HIVEP3: variants seen among roughly 807,000 people sequenced by gnomAD.
The protein encoded by HIVEP3 is transcription factor HIVEP3.
HIVEP3 carries 49 observed loss-of-function variants against 152.8 expected under a neutral mutation model. The ratio of observed to expected loss-of-function variants is 0.32; its 90% CI spans 0.26 to 0.41. The LOEUF is 0.41. Ranked by LOEUF, HIVEP3 falls within the 10% of genes least tolerant of loss-of-function variation. HIVEP3 has a pLI of 1.00. For missense variants in HIVEP3, 2,790 were observed against 3,103.3 expected, an observed-to-expected ratio of 0.90 and a Z score of 2.40; for synonymous variants, 1,269 against 1,289.0, an observed-to-expected ratio of 0.98 and a Z score of 0.33.
intron 1 of HIVEP3, among the ~76,000 whole-genome samples, chr1:41,909,664 G>A (rs1479192653): frequency 2.0e-5 from 3 of 152,046 alleles, no homozygotes; most frequent in African/African-American, 7.2e-5. Context: ...TCTAACAATG[G>A]TAGGATCCAC....
In HIVEP3 at chr1:41,868,478, C is replaced by T. The variant is rs1041669960; in HGVS notation, c.-801+49935G>A. ...CCCCCGCCTTAGTAGCCAGATGAAC[C>T]GATAAGACACTGAAAACAGATACAC... On this transcript the variant is annotated intron_variant, in intron 1 of 8. Coordinates refer to ENST00000372583, the MANE Select transcript of HIVEP3 (RefSeq NM_024503.5). Among the ~76,000 whole-genome samples, 5 of 152,084 alleles carry T rather than the reference C, an allele frequency of 3.3e-5. No individual in the cohort carries two copies. The East Asian group carries it at 5.8e-4, about 18-fold the overall frequency.
At chr1:41,520,886 T>C (rs887863711) in intron 6 of HIVEP3, among the ~76,000 whole-genome samples, 2 of 152,202 alleles carry the variant, frequency 1.3e-5, no homozygotes, top group South Asian at 4.1e-4. Flanking sequence ...ACAAGATCAC[T>C]GGCTGTCTTG....
At chr1:41,519,711 GGATA>G (rs1642706617) in intron 6 of HIVEP3, among the ~76,000 whole-genome samples, 1 of 152,226 alleles carries the variant, frequency 6.6e-6, no homozygotes, top group East Asian at 1.9e-4. Flanking sequence ...ATTGGTGCGT[GGATA>G]GATAAAGTGG....
upstream of HIVEP3, among the ~76,000 whole-genome samples, chr1:41,921,409 G>A (rs1321886784): frequency 6.6e-6 from 1 of 152,122 alleles, no homozygotes; most frequent in Non-Finnish European, 1.5e-5. Flanking sequence ...TAGTGAATAA[G>A]TCTCATGAGA....
chr1:41,954,117 A>T (rs1227106868), intron 1 of HIVEP3, among the ~76,000 whole-genome samples: 1 of 152,212 alleles, frequency 6.6e-6, no homozygotes, highest in Non-Finnish European at 1.5e-5. Flanking sequence ...CATGGAATAG[A>T]AGAGTGTGCA....
At chr1:42,032,136 G>A (rs544741936) in intron 1 of HIVEP3, among the ~76,000 whole-genome samples, 2 of 152,258 alleles carry the variant, frequency 1.3e-5, no homozygotes, top group African/African-American at 2.4e-5. Context: ...AGAAAAAAGC[G>A]CAGCCAATGC....
At chr1:41,747,425 G>T (rs1447340089) in intron 1 of HIVEP3, among the ~76,000 whole-genome samples, 2 of 152,192 alleles carry the variant, frequency 1.3e-5, no homozygotes, top group Non-Finnish European at 2.9e-5. Flanking sequence ...ACTCTCACCT[G>T]CATTTCTGGC....
At chr1:41,546,330 G>A (rs1212780172) in intron 5 of HIVEP3, among the ~76,000 whole-genome samples, 11 of 152,184 alleles carry the variant, frequency 7.2e-5, no homozygotes, top group African/African-American at 1.9e-4. Context: ...ATCTGTGCTC[G>A]AATCAGCTCC....
At chr1:41,880,707 A>G (rs1644247732) in intron 1 of HIVEP3, among the ~76,000 whole-genome samples, 1 of 152,184 alleles carries the variant, frequency 6.6e-6, no homozygotes, top group Non-Finnish European at 1.5e-5. Context: ...TGAGGCAGTC[A>G]TCTGAAAAGG....
chr1:41,786,774 T>C (rs1649374251), intron 1 of HIVEP3, among the ~76,000 whole-genome samples: 1 of 149,846 alleles, frequency 6.7e-6, no homozygotes, highest in African/African-American at 2.5e-5. Flanking sequence ...TTTTTTGAGA[T>C]GGGGTCTCAC....
chr1:41,989,751 CTTTT>C (rs1014001151), intron 1 of HIVEP3, among the ~76,000 whole-genome samples: 16 of 151,890 alleles, frequency 1.1e-4, no homozygotes, highest in African/African-American at 3.4e-4. Flanking sequence ...CAACCCCTGC[CTTTT>C]TTTGTTTTCC....
intron 1 of HIVEP3, among the ~76,000 whole-genome samples, chr1:41,811,626 C>G (rs546615400): frequency 2.0e-5 from 3 of 151,852 alleles, no homozygotes; most frequent in Non-Finnish European, 4.4e-5. Flanking sequence ...GCCCAGAGCA[C>G]CCTCCAGAGA....
intron 2 of HIVEP3, among the ~76,000 whole-genome samples, chr1:41,687,631 C>T (rs921471012): frequency 1.3e-5 from 2 of 152,226 alleles, no homozygotes; most frequent in Non-Finnish European, 2.9e-5. Flanking sequence ...CACTTAGGTG[C>T]ACGGCGATGC....
At chr1:41,826,779 G>A (rs570947179) in intron 1 of HIVEP3, among the ~76,000 whole-genome samples, 6 of 152,340 alleles carry the variant, frequency 3.9e-5, no homozygotes, top group African/African-American at 9.6e-5. Context: ...AACCTGTATT[G>A]CTTTAATAAA....
intron 1 of HIVEP3, among the ~76,000 whole-genome samples, chr1:41,851,868 T>A (rs901572033): frequency 1.3e-5 from 2 of 152,114 alleles, no homozygotes; most frequent in African/African-American, 4.8e-5. Flanking sequence ...ATACAGGGCT[T>A]GGGAGGCAAT....
At chr1:41,689,267 C>A (rs1646159597) in intron 2 of HIVEP3, among the ~76,000 whole-genome samples, 1 of 152,214 alleles carries the variant, frequency 6.6e-6, no homozygotes, top group Non-Finnish European at 1.5e-5. Flanking sequence ...CTGGTAGGGT[C>A]CCACCTTTCA....
chr1:41,689,685 A>G (rs1051591541), intron 2 of HIVEP3, among the ~76,000 whole-genome samples: 1 of 152,228 alleles, frequency 6.6e-6, no homozygotes, highest in African/African-American at 2.4e-5. Context: ...TGCTGAAAAT[A>G]GCCGCCCGAC....
In HIVEP3 at chr1:41,524,831, A is replaced by G; in HGVS notation, c.5287T>C (p.Cys1763Arg). The G allele has an allele frequency of 6.2e-7, 1 of 1,614,158 alleles. No homozygotes were observed. Among genetic ancestry groups the G allele is most frequent in the Non-Finnish European group, 8.5e-7 (1 of 1,179,986 alleles). Reference protein sequence around the residue: ...KYVCEECGIRCKKPSMLKKHI... With the variant: ...KYVCEECGIRRKKPSMLKKHI... Reference sequence around the variant, plus strand: ...TTCTTCAGCATGCTGGGCTTCTTGCAGCGAATTCCACACTCCTCACAAACA... The same window carrying G: ...TTCTTCAGCATGCTGGGCTTCTTGCGGCGAATTCCACACTCCTCACAAACA... The change falls in exon 6 of 9, where the codon TGC (cysteine) becomes CGC (arginine). Residue 1763 changes from cysteine (C) to arginine (R), a missense_variant. Around this residue, in one of 9 missense-constraint regions of HIVEP3, gnomAD observed 57 missense variants for 95.1 expected, o/e 0.60. Coordinates refer to ENST00000372583, the MANE Select transcript of HIVEP3 (RefSeq NM_024503.5).
At chr1:41,932,024 A>G (rs979080892) in intron 1 of HIVEP3, among the ~76,000 whole-genome samples, 5 of 151,666 alleles carry the variant, frequency 3.3e-5, no homozygotes, top group African/African-American at 4.8e-5. Context: ...ATTGTTTTTT[A>G]TCTTAAGGGG....
Sources: gnomAD v4.1 joint callset for allele counts (sites outside exome capture counted in the v4.1 genomes callset) on GRCh38, gnomAD v4.1.1 for gene constraint, gnomAD v4.1.1 regional missense constraint, MANE v1.5 for transcripts, NCBI Gene and HGNC (gene_info 2026-07-23, HGNC 2026-07-21) for gene names.